The following FAM168B variants were observed in gnomAD, a reference collection of about 807,000 sequenced individuals.
FAM168B encodes myelin-associated neurite-outgrowth inhibitor.
FAM168B carries 19 observed loss-of-function variants against 21.8 expected under a neutral mutation model. That is an observed-to-expected ratio of 0.87 (90% CI 0.61 to 1.28). FAM168B has a LOEUF of 1.28. Ranked by LOEUF, FAM168B falls within the 50% of genes most tolerant of loss-of-function variation. The pLI is 0.00. For synonymous variants in FAM168B, 126 were observed against 104.8 expected (o/e 1.20, Z -1.24); for missense variants, 233 against 263.1 (o/e 0.89, Z 0.79).
intron 2 of FAM168B, among the ~76,000 whole-genome samples, chr2:131,078,544 TCA>T (rs1693276753): frequency 6.6e-6 from 1 of 152,146 alleles, no homozygotes; most frequent in African/African-American, 2.4e-5. Context: ...AGAAATCAAC[TCA>T]GAGTCAAGAG....
At position 131,051,589 on chromosome 2, in the gene FAM168B, T is replaced by C. The variant is rs899146107; in HGVS notation, c.*876A>G. ...TCACATTTCTTCCATCCCAGGAAAA[T>C]AATTTAGTTTTACATAGGACTTTTC... On this transcript the variant is annotated 3_prime_UTR_variant, in exon 7 of 7. Coordinates refer to ENST00000389915, the MANE Select transcript of FAM168B (RefSeq NM_001009993.4). 34 of 984,894 alleles carry C rather than the reference T, an allele frequency of 3.5e-5. No homozygotes were observed. In the East Asian group the frequency reaches 3.2e-3, roughly 92 times the overall value. The allele number at this position is 984,894 out of a possible 1,614,324, so 61.0% of individuals were successfully genotyped here. A position where few individuals can be genotyped will look rare whatever the true frequency, so the allele number is the denominator to read the frequency against.
At chr2:131,060,555 C>G (rs542563177) in intron 3 of FAM168B, among the ~76,000 whole-genome samples, 42 of 152,216 alleles carry the variant, frequency 2.8e-4, no homozygotes, top group Non-Finnish European at 5.6e-4. Context: ...TGATTCCAAA[C>G]GTTTTTTAAA....
In FAM168B at chr2:131,049,949, A is replaced by C. The variant is rs536136406; in HGVS notation, c.*2516T>G. ...GACTATTTCCTAAGTCCAGATTCTT[A>C]CCTGATATCTACCTTTCGTATCTGA... On this transcript the variant is annotated 3_prime_UTR_variant, in exon 7 of 7. Transcript: ENST00000389915. 1.6e-5 allele frequency: 16 copies of C among 985,528 alleles called. No individual in the cohort carries two copies. Among genetic ancestry groups the C allele is most frequent in the East Asian group, 1.1e-4 (1 of 8,820 alleles). The allele number at this position is 985,528 out of a possible 1,614,324, so 61.0% of individuals were successfully genotyped here. A position where few individuals can be genotyped will look rare whatever the true frequency, so the allele number is the denominator to read the frequency against.
chr2:131,088,647 G>A (rs926420828), intron 1 of FAM168B, among the ~76,000 whole-genome samples: 12 of 152,124 alleles, frequency 7.9e-5, no homozygotes, highest in Middle Eastern at 3.4e-3. Flanking sequence ...AATTTGTAAA[G>A]ATACAATAAA....
Position 131,051,634 on chromosome 2 carries a change from CAT to C in FAM168B, c.*829_*830del, listed in dbSNP as rs1036062772. On this transcript the variant is annotated 3_prime_UTR_variant, in exon 7 of 7. Transcript: ENST00000389915. ...CTTTTCCAATAAAGACATATAAAAA[CAT>C]CATCTCTCTAAGAGAACTGTAATGA... 25 of 985,206 alleles carry C rather than the reference CAT, an allele frequency of 2.5e-5. No individual in the cohort carries two copies. The highest frequency in any genetic ancestry group is 6.2e-5 in the Admixed American group (1 of 16,256). The allele number at this position is 985,206 out of a possible 1,614,324, so 61.0% of individuals were successfully genotyped here.
intron 1 of FAM168B, among the ~76,000 whole-genome samples, chr2:131,087,023 G>A (rs1693738225): frequency 2.6e-5 from 2 of 76,098 alleles, no homozygotes; most frequent in Admixed American, 1.6e-4. Flanking sequence ...CCGAGATTGC[G>A]CCACTGCACT....
chr2:131,059,453 C>G (rs1169875037), intron 3 of FAM168B, among the ~76,000 whole-genome samples: 1 of 152,134 alleles, frequency 6.6e-6, no homozygotes, highest in Non-Finnish European at 1.5e-5. Context: ...TTCAGCTGTA[C>G]CTAAAGGAGA....
intron 3 of FAM168B, among the ~76,000 whole-genome samples, chr2:131,067,602 G>A (rs903606863): frequency 6.6e-6 from 1 of 152,060 alleles, no homozygotes; most frequent in Non-Finnish European, 1.5e-5. Flanking sequence ...AATAATCTAG[G>A]TGTGGTGACT....
chr2:131,082,429 C>T lies in FAM168B; in HGVS notation c.70+148G>A. ...AGATCAAGTTTTGACCAAATCCAGT[C>T]CTATCATTTGATTTTTCACTTCCAG... On this transcript the variant is annotated intron_variant, in intron 2 of 6. Coordinates refer to ENST00000389915, the MANE Select transcript of FAM168B (RefSeq NM_001009993.4). The T allele has an allele frequency of 3.3e-6, 2 of 606,168 alleles. 1 individual carries two copies. Among genetic ancestry groups the T allele is most frequent in the South Asian group, 4.3e-5 (2 of 46,344 alleles). 37.5% of individuals were successfully genotyped at this position (606,168 alleles called of 1,614,324 possible). A position where few individuals can be genotyped will look rare whatever the true frequency, so the allele number is the denominator to read the frequency against.
Position 131,050,093 on chromosome 2 carries a change from GAAGAA to G in FAM168B, c.*2367_*2371del. On this transcript the variant is annotated 3_prime_UTR_variant, in exon 7 of 7. Transcript: ENST00000389915. Reference sequence around the variant, plus strand: ...GGAAAAAAGGTTAAGTTACAGGGAGGAAGAAAAGTGTTTATGAAGCTGATGTAAAT... The same window carrying G: ...GGAAAAAAGGTTAAGTTACAGGGAGGAAGTGTTTATGAAGCTGATGTAAAT... The G allele has an allele frequency of 1.0e-6, 1 of 985,492 alleles. No individual in the cohort carries two copies. The highest frequency in any genetic ancestry group is 1.2e-6 in the Non-Finnish European group (1 of 829,946). The allele number at this position is 985,492 out of a possible 1,614,324, so 61.0% of individuals were successfully genotyped here.
intron 1 of FAM168B, among the ~76,000 whole-genome samples, chr2:131,090,183 C>T (rs1436701407): frequency 1.8e-4 from 26 of 147,170 alleles, no homozygotes; most frequent in Admixed American, 2.7e-4. Flanking sequence ...TATCCAGGCA[C>T]GGTGGCAGGC....
At chr2:131,086,761 AGTGTT>A (rs1222248283) in intron 1 of FAM168B, among the ~76,000 whole-genome samples, 1 of 152,184 alleles carries the variant, frequency 6.6e-6, no homozygotes, top group Admixed American at 6.6e-5. Flanking sequence ...CAAGGCAACA[AGTGTT>A]AAGAGTCACA....
chr2:131,076,743 C>G (rs1477925114), intron 2 of FAM168B, among the ~76,000 whole-genome samples: 1 of 151,582 alleles, frequency 6.6e-6, no homozygotes, highest in Admixed American at 6.6e-5. Context: ...AGGACAAATT[C>G]AGATAAAGTA....
chr2:131,059,186 T>C (rs1230997073), intron 3 of FAM168B, among the ~76,000 whole-genome samples: 1 of 152,100 alleles, frequency 6.6e-6, no homozygotes, highest in East Asian at 1.9e-4. Context: ...GATCCAGCCC[T>C]CTCCATAAGG....
At chr2:131,080,439 A>G (rs958064554) in intron 2 of FAM168B, among the ~76,000 whole-genome samples, 10 of 150,618 alleles carry the variant, frequency 6.6e-5, no homozygotes, top group African/African-American at 2.4e-4. Flanking sequence ...GCAGTTCGAG[A>G]CCAGCCTGGC....
intron 3 of FAM168B, among the ~76,000 whole-genome samples, chr2:131,056,541 C>T (rs1692029392): frequency 6.6e-6 from 1 of 152,130 alleles, no homozygotes; most frequent in African/African-American, 2.4e-5. Flanking sequence ...GTTGAGTTTG[C>T]TGAATAAGCA....
intron 2 of FAM168B, 44 bp from the exon 3 acceptor site, chr2:131,071,982 G>A: frequency 6.6e-7 from 1 of 1,519,428 alleles, no homozygotes; most frequent in Non-Finnish European, 9.0e-7. Context: ...AACTGAAGTA[G>A]CGACAATCAC....
intron 1 of FAM168B, 31 bp from the exon 2 acceptor site, chr2:131,082,688 C>A: frequency 6.8e-7 from 1 of 1,475,520 alleles, no homozygotes. Flanking sequence ...TTTAGCCAAG[C>A]ACTTTTGCTC....
At chr2:131,089,911 A>G (rs1693918745) in intron 1 of FAM168B, among the ~76,000 whole-genome samples, 1 of 151,702 alleles carries the variant, frequency 6.6e-6, no homozygotes, top group African/African-American at 2.4e-5. Context: ...GCACACCTGT[A>G]GTCCCAGCTA....
Sources: allele counts gnomAD v4.1 joint callset (sites outside exome capture counted in the v4.1 genomes callset), GRCh38; gene constraint gnomAD v4.1.1; transcripts MANE v1.5; gene names NCBI Gene and HGNC (gene_info 2026-07-23, HGNC 2026-07-21).